PHLPP1: variants seen among roughly 807,000 people sequenced by gnomAD.
The protein encoded by PHLPP1 is PH domain and leucine rich repeat protein phosphatase 1.
Under a neutral mutation model 117.2 loss-of-function variants are expected in PHLPP1, and 42 were observed. The ratio of observed to expected loss-of-function variants is 0.36; its 90% confidence interval spans 0.28 to 0.46. PHLPP1 has a LOEUF of 0.46. Among genes scored for constraint, PHLPP1 ranks in the 20% least tolerant of loss-of-function variants. The pLI is 1.00. For missense variants in PHLPP1, 2,084 were observed against 2,241.9 expected (o/e 0.93, Z 1.42); for synonymous variants, 1,042 against 970.7 (o/e 1.07, Z -1.37).
At chr18:62,836,474 AAT>A (rs1226552427) in intron 2 of PHLPP1, among the ~76,000 whole-genome samples, 5 of 139,884 alleles carry the variant, frequency 3.6e-5, no homozygotes, top group South Asian at 2.3e-4. Context: ...TAAATAAATA[AAT>A]AAATAAATAA....
chr18:62,756,062 T>C (rs1209133693), intron 1 of PHLPP1, among the ~76,000 whole-genome samples: 1 of 151,906 alleles, frequency 6.6e-6, no homozygotes, highest in Non-Finnish European at 1.5e-5. Flanking sequence ...ATTTTTTTTT[T>C]TAATAAAATG....
intron 1 of PHLPP1, among the ~76,000 whole-genome samples, chr18:62,809,189 A>G (rs1421855097): frequency 6.6e-6 from 1 of 152,204 alleles, no homozygotes; most frequent in Non-Finnish European, 1.5e-5. Context: ...AAATAACTGA[A>G]TGTTCTATTC....
At chr18:62,759,229 G>A (rs560009884) in intron 1 of PHLPP1, among the ~76,000 whole-genome samples, 25 of 152,210 alleles carry the variant, frequency 1.6e-4, no homozygotes, top group African/African-American at 5.3e-4. Context: ...GACTGCTGCA[G>A]AAAAAACACA....
chr18:62,862,038 G>A (rs1397952027), intron 4 of PHLPP1, among the ~76,000 whole-genome samples: 1 of 151,858 alleles, frequency 6.6e-6, no homozygotes, highest in Non-Finnish European at 1.5e-5. Context: ...ATTTTATTAT[G>A]GAATTTTAAG....
chr18:62,972,602 G>T lies in PHLPP1; in HGVS notation c.3649G>T (p.Val1217Leu). The change falls in exon 15 of 17, where the codon GTG becomes TTG. Residue 1217 changes from valine (V) to leucine (L), a missense_variant. By Grantham distance (32) the Val-to-Leu change is conservative (BLOSUM62 1). Transcript: ENST00000262719. ...GVFDGDRNVE[V>L]PYLLQCTMSD... The stretch of plus-strand genomic sequence containing the variant: ...GTTTGACGGAGACCGGAATGTGGAG[G>T]TGCCCTACCTTCTCCAGTGCACTAT... 6.2e-7 allele frequency: 1 copy of T among 1,613,926 alleles called. No homozygotes were observed. Among genetic ancestry groups the T allele is most frequent in the Non-Finnish European group, 8.5e-7 (1 of 1,179,858 alleles).
intron 14 of PHLPP1, among the ~76,000 whole-genome samples, chr18:62,972,044 AT>A (rs1474511354): frequency 1.3e-5 from 2 of 152,334 alleles, no homozygotes; most frequent in Admixed American, 6.5e-5. Context: ...TCAAAAAAAA[AT>A]AAAAATAAAA....
At chr18:62,743,599 C>A (rs1911594459) in intron 1 of PHLPP1, among the ~76,000 whole-genome samples, 1 of 152,106 alleles carries the variant, frequency 6.6e-6, no homozygotes, top group African/African-American at 2.4e-5. Context: ...ACACTAATTC[C>A]TATTTTTCAG....
At chr18:62,945,420 G>A in intron 12 of PHLPP1, 149 bp downstream of exon 12, 1 of 583,966 alleles carries the variant, frequency 1.7e-6, no homozygotes, top group Admixed American at 3.9e-5. Flanking sequence ...CCTAACCAAT[G>A]GGCTACACCG....
intron 1 of PHLPP1, among the ~76,000 whole-genome samples, chr18:62,797,821 T>A (rs1913669604): frequency 6.6e-6 from 1 of 151,974 alleles, no homozygotes; most frequent in South Asian, 2.1e-4. Context: ...GGGAGAGAGG[T>A]TGATTATGGC....
At chr18:62,905,188 G>A (rs1599113158) in intron 7 of PHLPP1, 36 bp from the exon 8 acceptor site, 5 of 1,364,710 alleles carry the variant, frequency 3.7e-6, no homozygotes, top group Middle Eastern at 1.9e-4. Context: ...CATTTGTATA[G>A]TAATGTCTTT....
At chr18:62,885,145 A>G (rs186137379) in intron 4 of PHLPP1, among the ~76,000 whole-genome samples, 5 of 152,264 alleles carry the variant, frequency 3.3e-5, no homozygotes, top group Admixed American at 2.0e-4. Context: ...TCTTATGACA[A>G]AACAAGCCCA....
At chr18:62,754,733 A>G (rs1462538331) in intron 1 of PHLPP1, among the ~76,000 whole-genome samples, 2 of 152,234 alleles carry the variant, frequency 1.3e-5, no homozygotes, top group Non-Finnish European at 2.9e-5. Flanking sequence ...ACAATGATAT[A>G]TACAACATAC....
intron 1 of PHLPP1, among the ~76,000 whole-genome samples, chr18:62,770,217 T>C (rs1912712444): frequency 6.6e-6 from 1 of 152,200 alleles, no homozygotes; most frequent in Non-Finnish European, 1.5e-5. Context: ...TTCAAGCGAT[T>C]CTCCTGCCTC....
chr18:62,920,500 G>A (rs1247749306), intron 10 of PHLPP1, among the ~76,000 whole-genome samples: 1 of 152,106 alleles, frequency 6.6e-6, no homozygotes, highest in Non-Finnish European at 1.5e-5. Flanking sequence ...TTTGGGAGAT[G>A]GAGATGAATT....
intron 2 of PHLPP1, chr18:62,832,413 A>G (rs1005770600): frequency 6.6e-6 from 1 of 152,256 alleles, no homozygotes; most frequent in Admixed American, 6.5e-5. Flanking sequence ...GGAGATGGTC[A>G]GAAAGATTAT....
At chr18:62,950,942 C>G (rs140247720) in intron 12 of PHLPP1, among the ~76,000 whole-genome samples, 4 of 152,112 alleles carry the variant, frequency 2.6e-5, no homozygotes, top group African/African-American at 9.6e-5. Context: ...CATATTCTCT[C>G]TGTCTTTCAA....
At chr18:62,799,244 A>G (rs977117887) in intron 1 of PHLPP1, among the ~76,000 whole-genome samples, 3 of 152,172 alleles carry the variant, frequency 2.0e-5, no homozygotes, top group Non-Finnish European at 2.9e-5. Context: ...ATTTTGTTTC[A>G]TGTACTTTAT....
chr18:62,805,575 G>C (rs144379496), intron 1 of PHLPP1, among the ~76,000 whole-genome samples: 34 of 152,094 alleles, frequency 2.2e-4, no homozygotes, highest in African/African-American at 8.0e-4. Context: ...TGCTCAGGCT[G>C]GTCCCACACT....
chr18:62,961,371 G>A lies in PHLPP1; in HGVS notation c.3456-1997G>A, dbSNP rs17070482. ...TAGCTGCTCAGCCACACTGTGTTCA[G>A]CTAGGTAGAGAAGAGAAATTGCTGC... On this transcript the variant is annotated intron_variant, in intron 13 of 16. Transcript: ENST00000262719. 7.8e-3 allele frequency among the ~76,000 whole-genome samples: 1,183 copies of A among 152,306 alleles called. 40 individuals are homozygous for A. Among genetic ancestry groups the A allele is most frequent in the East Asian group, 0.057 (298 of 5,184 alleles).
Sources: gnomAD v4.1 joint callset for allele counts (sites outside exome capture counted in the v4.1 genomes callset) on GRCh38, gnomAD v4.1.1 for gene constraint, MANE v1.5 for transcripts, NCBI Gene and HGNC (gene_info 2026-07-23, HGNC 2026-07-21) for gene names.